Variants in PTPRD observed in about 807,000 individuals in gnomAD.
PTPRD encodes protein tyrosine phosphatase receptor type D, also known as receptor-type tyrosine-protein phosphatase delta.
In PTPRD, 34 loss-of-function variants were observed where a neutral mutation model predicts 214.5. That is an observed-to-expected ratio of 0.16 (90% CI 0.12 to 0.21). The LOEUF (loss-of-function observed/expected upper bound fraction) is 0.21, where lower values mean the gene tolerates loss of function less well. Ranked by LOEUF, PTPRD falls within the 10% of genes least tolerant of loss-of-function variation. The probability of loss-of-function intolerance (pLI) is 1.00; values close to 1 mark genes in which losing one functional copy is unlikely to be tolerated. For missense variants in PTPRD, 2,545 were observed against 2,398.7 expected, an observed-to-expected ratio of 1.06 and a Z score of -1.27; for synonymous variants, 1,128 against 845.7, an observed-to-expected ratio of 1.33 and a Z score of -5.79.
intron 5 of PTPRD, among the ~76,000 whole-genome samples, chr9:9,926,473 C>T (rs983949757): frequency 6.6e-6 from 1 of 151,526 alleles, no homozygotes; most frequent in Non-Finnish European, 1.5e-5. Flanking sequence ...GATCTTGGAA[C>T]GATGTATTTT....
intron 4 of PTPRD, among the ~76,000 whole-genome samples, chr9:9,975,369 T>C (rs1412806464): frequency 1.3e-5 from 2 of 152,252 alleles, no homozygotes; most frequent in Non-Finnish European, 2.9e-5. Flanking sequence ...CTGAATAACA[T>C]GTGAGAGCTT....
intron 3 of PTPRD, among the ~76,000 whole-genome samples, chr9:10,308,010 C>T (rs1311884761): frequency 6.6e-6 from 1 of 151,932 alleles, no homozygotes; most frequent in African/African-American, 2.4e-5. Flanking sequence ...TCTCATTCAA[C>T]AGGTTGTCTC....
At chr9:8,700,742 T>C (rs954010480) in intron 12 of PTPRD, 2 of 152,248 alleles carry the variant, frequency 1.3e-5, no homozygotes, top group Non-Finnish European at 2.9e-5. Context: ...AATGCAGACA[T>C]ACAACTTTCA....
chr9:10,191,425 G>A (rs915215993), intron 3 of PTPRD, among the ~76,000 whole-genome samples: 1 of 152,062 alleles, frequency 6.6e-6, no homozygotes, highest in African/African-American at 2.4e-5. Flanking sequence ...TTCCTGGAGA[G>A]GCTAATGCTA....
intron 35 of PTPRD, among the ~76,000 whole-genome samples, chr9:8,418,284 C>T (rs2094102319): frequency 6.6e-6 from 1 of 151,878 alleles, no homozygotes; most frequent in South Asian, 2.1e-4. Context: ...AAATCCCACT[C>T]TCCCAATTCA....
chr9:10,408,074 A>G (rs1192844762), intron 2 of PTPRD, among the ~76,000 whole-genome samples: 1 of 151,570 alleles, frequency 6.6e-6, no homozygotes, highest in Non-Finnish European at 1.5e-5. Context: ...ATAGTTTACT[A>G]TGGTGATGAA....
intron 7 of PTPRD, among the ~76,000 whole-genome samples, chr9:9,667,587 T>G (rs543606760): frequency 4.2e-4 from 64 of 152,272 alleles, no homozygotes; most frequent in African/African-American, 1.5e-3. Context: ...AGTGAATTCA[T>G]TTAAGCACAC....
chr9:9,144,550 G>A (rs973909484), intron 10 of PTPRD, among the ~76,000 whole-genome samples: 9 of 152,046 alleles, frequency 5.9e-5, no homozygotes, highest in South Asian at 4.1e-4. Flanking sequence ...TCAGAAGGTC[G>A]AGACCATCCT....
chr9:10,436,222 C>G (rs925392644), intron 2 of PTPRD, among the ~76,000 whole-genome samples: 1 of 151,752 alleles, frequency 6.6e-6, no homozygotes, highest in African/African-American at 2.4e-5. Context: ...GATAATTCTT[C>G]TCTCTATATA....
intron 39 of PTPRD, among the ~76,000 whole-genome samples, chr9:8,351,095 A>T (rs572518948): frequency 6.6e-6 from 1 of 152,320 alleles, no homozygotes; most frequent in Non-Finnish European, 1.5e-5. Flanking sequence ...TGAATAAACT[A>T]TGGTATATCA....
chr9:8,864,073 G>A (rs535890111), intron 11 of PTPRD, among the ~76,000 whole-genome samples: 5 of 152,296 alleles, frequency 3.3e-5, no homozygotes, highest in Admixed American at 2.0e-4. Flanking sequence ...GCTGAATGGC[G>A]CAAGAATGGG....
At chr9:9,400,085 C>T (rs937122466) in intron 8 of PTPRD, among the ~76,000 whole-genome samples, 4 of 133,010 alleles carry the variant, frequency 3.0e-5, no homozygotes, top group African/African-American at 8.9e-5. Flanking sequence ...CCTAACTTTA[C>T]CTACTAGTTT....
chr9:10,202,672 A>ATATATATATATATATATG, intron 3 of PTPRD, among the ~76,000 whole-genome samples: 1 of 19,846 alleles, frequency 5.0e-5, no homozygotes, highest in Non-Finnish European at 7.8e-5. Flanking sequence ...AATTATATGG[A>ATATATATATATATATATG]TATATATATA....
At chr9:9,124,225 G>A (rs549836953) in intron 10 of PTPRD, among the ~76,000 whole-genome samples, 11 of 152,206 alleles carry the variant, frequency 7.2e-5, no homozygotes, top group Middle Eastern at 6.8e-3. Context: ...ATTTTCCTGG[G>A]AGAGGTATTG....
intron 5 of PTPRD, among the ~76,000 whole-genome samples, chr9:9,862,383 A>G (rs1488493796): frequency 1.3e-5 from 2 of 152,228 alleles, no homozygotes; most frequent in Non-Finnish European, 2.9e-5. Context: ...AACTGCTGTA[A>G]CTAACTGCCG....
In PTPRD at chr9:9,085,651, C is replaced by CT. The variant is rs113774725; in HGVS notation, c.-142-66917dup. 5.0e-3 allele frequency among the ~76,000 whole-genome samples: 738 copies of CT among 146,220 alleles called. 5 individuals are homozygous for CT. Among genetic ancestry groups the CT allele is most frequent in the African/African-American group, 0.016 (628 of 40,128 alleles). ...AATGTCACTACTCAGGGTTAATGCT[C>CT]TTTTTTTTTTTGACATTTGGCCTTC... On this transcript the variant is annotated intron_variant, in intron 10 of 45. Coordinates refer to ENST00000381196, the MANE Select transcript of PTPRD (RefSeq NM_002839.4).
At chr9:9,579,833 T>A (rs369507762) in intron 7 of PTPRD, among the ~76,000 whole-genome samples, 2 of 152,140 alleles carry the variant, frequency 1.3e-5, no homozygotes, top group Non-Finnish European at 2.9e-5. Context: ...TTAAGTAATT[T>A]GTCATCATTC....
At chr9:9,086,776 T>C (rs375708762) in intron 10 of PTPRD, among the ~76,000 whole-genome samples, 1 of 152,056 alleles carries the variant, frequency 6.6e-6, no homozygotes, top group African/African-American at 2.4e-5. Context: ...AAATGCTTTT[T>C]TAAAATGTGA....
At chr9:10,566,644 C>T (rs575768895) in intron 2 of PTPRD, among the ~76,000 whole-genome samples, 256 of 151,934 alleles carry the variant, frequency 1.7e-3, no homozygotes, top group African/African-American at 6.0e-3. Context: ...CTTTTCTTTT[C>T]ACTCTCATTA....
Sources: gnomAD v4.1 joint callset for allele counts (sites outside exome capture counted in the v4.1 genomes callset) on GRCh38, gnomAD v4.1.1 for gene constraint, MANE v1.5 for transcripts, NCBI Gene and HGNC (gene_info 2026-07-23, HGNC 2026-07-21) for gene names.